The following C12orf42 variants were observed in gnomAD, a reference collection of about 807,000 sequenced individuals.
C12orf42 encodes chromosome 12 open reading frame 42, also known as uncharacterized protein C12orf42.
C12orf42 carries 25 observed loss-of-function variants against 21.6 expected under a neutral mutation model. That is an observed-to-expected ratio of 1.16 (90% CI 0.84 to 1.62). C12orf42 has a LOEUF of 1.62. Ranked by LOEUF, C12orf42 falls within the 40% of genes most tolerant of loss-of-function variation. The pLI, the probability that C12orf42 is intolerant of heterozygous loss-of-function variation, is 0.00. For synonymous variants in C12orf42, 174 were observed against 175.0 expected, an observed-to-expected ratio of 0.99 and a Z score of 0.05; for missense variants, 483 against 459.3, an observed-to-expected ratio of 1.05 and a Z score of -0.47.
At chr12:103,211,214 TTTTG>T in the C12orf42 span, among the ~76,000 whole-genome samples, 2 of 152,200 alleles carry the variant, frequency 1.3e-5, no homozygotes, top group African/African-American at 4.8e-5. Flanking sequence ...CATGTGGAGA[TTTTG>T]TTTATCTAAA....
chr12:103,536,418 T>C, the C12orf42 span, among the ~76,000 whole-genome samples: 1 of 152,150 alleles, frequency 6.6e-6, no homozygotes, highest in Non-Finnish European at 1.5e-5. Context: ...CTTAGGAATC[T>C]TTAACATATA....
At chr12:103,100,563 C>G in the C12orf42 span, among the ~76,000 whole-genome samples, 1 of 152,192 alleles carries the variant, frequency 6.6e-6, no homozygotes, top group Non-Finnish European at 1.5e-5. Context: ...CAGAACCACC[C>G]GGACAATGGC....
At chr12:103,160,039 T>C in the C12orf42 span, among the ~76,000 whole-genome samples, 1 of 152,222 alleles carries the variant, frequency 6.6e-6, no homozygotes, top group African/African-American at 2.4e-5. Flanking sequence ...TGGGGGTATT[T>C]AGCTCATTGT....
the C12orf42 span, among the ~76,000 whole-genome samples, chr12:103,096,206 C>A: frequency 6.6e-6 from 1 of 152,126 alleles, no homozygotes; most frequent in East Asian, 1.9e-4. Context: ...GAATGTAGAA[C>A]AGGAAATTAT....
the C12orf42 span, among the ~76,000 whole-genome samples, chr12:103,548,430 A>G: frequency 6.6e-6 from 1 of 152,232 alleles, no homozygotes; most frequent in Non-Finnish European, 1.5e-5. Context: ...TCCAAGTACT[A>G]ATCAGCCACG....
chr12:103,314,179 AAGGGCAGGAGAGGTGTTGGG>A lies in C12orf42; in HGVS notation c.260-7854_260-7835del, dbSNP rs1316951051. Among the ~76,000 whole-genome samples, 517 of 151,990 alleles carry A rather than the reference AAGGGCAGGAGAGGTGTTGGG, an allele frequency of 3.4e-3. 4 individuals are homozygous for A. Among genetic ancestry groups the A allele is most frequent in the African/African-American group, 0.011 (463 of 41,420 alleles). On this transcript the variant is annotated intron_variant, in intron 4 of 5. Transcript: ENST00000548883. ...AGAGCAGCCCAGATGGATGGAGGGA[AAGGGCAGGAGAGGTGTTGGG>A]AGGGCAGGAGAGGTGTTGGGAGGGC...
At chr12:103,148,407 C>T in the C12orf42 span, among the ~76,000 whole-genome samples, 31 of 152,214 alleles carry the variant, frequency 2.0e-4, no homozygotes, top group African/African-American at 7.5e-4. Flanking sequence ...TTTAAAAATG[C>T]CTAATTTATA....
chr12:103,385,386 G>T (rs2046523399), intron 3 of C12orf42, among the ~76,000 whole-genome samples: 1 of 152,120 alleles, frequency 6.6e-6, no homozygotes, highest in African/African-American at 2.4e-5. Flanking sequence ...TATTGGCACT[G>T]CATGTTTAAA....
the C12orf42 span, among the ~76,000 whole-genome samples, chr12:103,205,227 G>A: frequency 7.1e-4 from 108 of 152,166 alleles, 3 homozygotes; most frequent in Non-Finnish European, 1.0e-4. Flanking sequence ...AGTATGTATA[G>A]CCCGAGTACT....
intron 4 of C12orf42, among the ~76,000 whole-genome samples, chr12:103,337,850 C>G (rs961841298): frequency 6.6e-6 from 1 of 152,194 alleles, no homozygotes; most frequent in Admixed American, 6.5e-5. Flanking sequence ...TACTCTCTGT[C>G]TCCACTTACC....
chr12:103,459,518 C>T (rs2069442777), intron 2 of C12orf42, among the ~76,000 whole-genome samples: 1 of 152,176 alleles, frequency 6.6e-6, no homozygotes, highest in Non-Finnish European at 1.5e-5. Flanking sequence ...GCTTCACCTC[C>T]TGCCATGATT....
chr12:103,065,888 A>G, the C12orf42 span, among the ~76,000 whole-genome samples: 1 of 152,328 alleles, frequency 6.6e-6, no homozygotes, highest in Non-Finnish European at 1.5e-5. Context: ...AAAGGCTGCC[A>G]GTTTTGAGTG....
At chr12:103,555,058 G>C in the C12orf42 span, among the ~76,000 whole-genome samples, 1 of 152,200 alleles carries the variant, frequency 6.6e-6, no homozygotes, top group Non-Finnish European at 1.5e-5. Context: ...TAGCAGGGTA[G>C]AGCTTCTCAG....
chr12:103,419,611 A>T (rs2049686020), intron 2 of C12orf42, among the ~76,000 whole-genome samples: 1 of 152,172 alleles, frequency 6.6e-6, no homozygotes, highest in African/African-American at 2.4e-5. Flanking sequence ...AGAGTCCCCC[A>T]TGCTGGACTC....
intron 10 of C12orf42, among the ~76,000 whole-genome samples, chr12:103,260,493 G>A (rs182476865): frequency 6.6e-6 from 1 of 152,276 alleles, no homozygotes; most frequent in East Asian, 1.9e-4. Context: ...GGGCATTAAG[G>A]CTGGGTCTTA....
At chr12:103,549,551 T>G in the C12orf42 span, 1 of 152,156 alleles carries the variant, frequency 6.6e-6, no homozygotes, top group African/African-American at 2.4e-5. Flanking sequence ...CTTTATATGT[T>G]GCTGAAGACA....
At chr12:103,255,817 C>T (rs993573368) in intron 10 of C12orf42, among the ~76,000 whole-genome samples, 1 of 150,724 alleles carries the variant, frequency 6.6e-6, no homozygotes, top group African/African-American at 2.4e-5. Flanking sequence ...TTTGGGAGGC[C>T]GAGGCGGGTG....
At chr12:103,062,148 T>C in the C12orf42 span, among the ~76,000 whole-genome samples, 1 of 151,798 alleles carries the variant, frequency 6.6e-6, no homozygotes, top group Non-Finnish European at 1.5e-5. Flanking sequence ...CATGTTATCA[T>C]GAATTTAAAT....
Position 103,302,441 on chromosome 12 carries a change from G to T in C12orf42, c.750C>A (p.Val250=). Residue 250 remains valine, a synonymous_variant, in exon 6 of 6, where the codon GTC becomes GTA. Coordinates refer to ENST00000548883, the MANE Select transcript of C12orf42 (RefSeq NM_198521.5). The stretch of plus-strand genomic sequence containing the variant: ...CGGGGTGTGCCTGAGCGCCTGCTGG[G>T]ACTGCCATCCTCTCCTCCGGCTCGA... ...TELEPEERMA[V]PAGAQAHPDD... is the part of the protein sequence containing the mutation. 3.1e-6 allele frequency: 5 copies of T among 1,613,832 alleles called. No individual in the cohort carries two copies. Among genetic ancestry groups the T allele is most frequent in the Non-Finnish European group, 4.2e-6 (5 of 1,179,836 alleles).
Sources: gnomAD v4.1 joint callset for allele counts (sites outside exome capture counted in the v4.1 genomes callset) on GRCh38, gnomAD v4.1.1 for gene constraint, MANE v1.5 for transcripts, NCBI Gene and HGNC (gene_info 2026-07-23, HGNC 2026-07-21) for gene names.